The following GLIS3 variants were observed in gnomAD, a reference collection of about 807,000 sequenced individuals.
The protein encoded by GLIS3 is zinc finger protein GLIS3.
A neutral mutation model predicts 78.6 loss-of-function variants in GLIS3; 53 were observed. The observed-to-expected ratio is 0.67, with a 90% CI of 0.54 to 0.85. The LOEUF is 0.85. Ranked by LOEUF, GLIS3 falls within the 40% of genes least tolerant of loss-of-function variation. The pLI, the probability that GLIS3 is intolerant of heterozygous loss-of-function variation, is 0.00. For missense variants in GLIS3, 1,703 were observed against 1,231.1 expected, an observed-to-expected ratio of 1.38 and a Z score of -5.74; for synonymous variants, 684 against 509.9, an observed-to-expected ratio of 1.34 and a Z score of -4.60.
intron 6 of GLIS3, among the ~76,000 whole-genome samples, chr9:3,923,991 T>G (rs538223071): frequency 8.5e-5 from 13 of 152,368 alleles, no homozygotes; most frequent in Admixed American, 3.3e-4. Flanking sequence ...TGGGAGTTCA[T>G]GAGCTTCCTA....
chr9:3,979,661 A>G (rs148895615), intron 4 of GLIS3, among the ~76,000 whole-genome samples: 260 of 152,270 alleles, frequency 1.7e-3, no homozygotes, highest in African/African-American at 5.3e-3. Flanking sequence ...CCAGCACAAC[A>G]CTTACCACAC....
intron 1 of GLIS3, among the ~76,000 whole-genome samples, chr9:4,289,535 C>A (rs978169434): frequency 3.3e-5 from 5 of 152,110 alleles, no homozygotes; most frequent in African/African-American, 1.2e-4. Context: ...TAATCACTGT[C>A]AAAAACTTAA....
At chr9:4,379,356 G>A in the GLIS3 span, among the ~76,000 whole-genome samples, 3 of 152,208 alleles carry the variant, frequency 2.0e-5, no homozygotes, top group Non-Finnish European at 4.4e-5. Flanking sequence ...TATTTAAAAT[G>A]TTATAATTTC....
upstream of GLIS3, among the ~76,000 whole-genome samples, chr9:4,350,567 G>C (rs1263813202): frequency 6.6e-6 from 1 of 152,036 alleles, no homozygotes; most frequent in Non-Finnish European, 1.5e-5. Flanking sequence ...GTCTCTTTCA[G>C]AACTGCTTTA....
intron 5 of GLIS3, among the ~76,000 whole-genome samples, chr9:3,933,227 G>C (rs1044385751): frequency 6.6e-6 from 1 of 151,944 alleles, no homozygotes; most frequent in Non-Finnish European, 1.5e-5. Context: ...CCAGGCTGGA[G>C]TGCAGTGGCG....
At chr9:4,294,707 T>TG (rs34706136) in intron 1 of GLIS3, among the ~76,000 whole-genome samples, 46,656 of 151,938 alleles carry the variant, frequency 0.31, 8,104 homozygotes, top group East Asian at 0.48. Flanking sequence ...TATTAAGTTT[T>TG]GGGGTCATAG....
chr9:3,943,314 G>C (rs1267354702), intron 4 of GLIS3, among the ~76,000 whole-genome samples: 1 of 152,160 alleles, frequency 6.6e-6, no homozygotes, highest in East Asian at 1.9e-4. Flanking sequence ...TGGAGTAATA[G>C]GGAATTCCTT....
chr9:4,071,525 T>A (rs1242217458), intron 4 of GLIS3: 1 of 152,224 alleles, frequency 6.6e-6, no homozygotes, highest in Non-Finnish European at 1.5e-5. Flanking sequence ...GAAAACTCCA[T>A]CAATGTTTAT....
intron 2 of GLIS3, among the ~76,000 whole-genome samples, chr9:4,228,885 AAGGGCCAG>A (rs903267914): frequency 1.2e-4 from 19 of 152,210 alleles, no homozygotes; most frequent in Non-Finnish European, 1.0e-4. Flanking sequence ...TACCCACCAG[AAGGGCCAG>A]AGAAAGAGGG....
the GLIS3 span, among the ~76,000 whole-genome samples, chr9:4,452,392 T>G: frequency 6.6e-6 from 1 of 152,194 alleles, no homozygotes; most frequent in South Asian, 2.1e-4. Context: ...TGTCTCTGTT[T>G]GCAGATGACA....
chr9:3,910,414 A>T (rs1358380314), intron 6 of GLIS3, among the ~76,000 whole-genome samples: 2 of 152,196 alleles, frequency 1.3e-5, no homozygotes, highest in African/African-American at 4.8e-5. Context: ...CTGTGGCACA[A>T]ACATGACTCA....
intron 2 of GLIS3, among the ~76,000 whole-genome samples, chr9:4,344,775 C>G (rs1470080066): frequency 1.3e-5 from 2 of 152,196 alleles, no homozygotes; most frequent in Non-Finnish European, 2.9e-5. Context: ...CACAATCTTC[C>G]CCACTGCAGG....
At chr9:4,206,305 T>C (rs1197485645) in intron 2 of GLIS3, among the ~76,000 whole-genome samples, 1 of 152,218 alleles carries the variant, frequency 6.6e-6, no homozygotes, top group African/African-American at 2.4e-5. Context: ...AGAGAGGCTG[T>C]AATGAGGGTG....
upstream of GLIS3, among the ~76,000 whole-genome samples, chr9:4,352,279 G>A (rs1459269895): frequency 1.3e-5 from 2 of 152,240 alleles, no homozygotes; most frequent in Non-Finnish European, 2.9e-5. Flanking sequence ...AGTCATGCAG[G>A]AATATGGCTC....
At chr9:4,109,946 C>A (rs1831078034) in intron 4 of GLIS3, among the ~76,000 whole-genome samples, 1 of 152,176 alleles carries the variant, frequency 6.6e-6, no homozygotes, top group Non-Finnish European at 1.5e-5. Flanking sequence ...ACTCTACAGG[C>A]ATACTTGAGA....
the GLIS3 span, among the ~76,000 whole-genome samples, chr9:4,475,980 C>T: frequency 3.5e-3 from 530 of 152,240 alleles, 2 homozygotes; most frequent in Non-Finnish European, 6.3e-3. Context: ...AACTCCCGGG[C>T]TCAAGTGATA....
chr9:4,378,935 T>C, the GLIS3 span, among the ~76,000 whole-genome samples: 1 of 152,178 alleles, frequency 6.6e-6, no homozygotes, highest in Non-Finnish European at 1.5e-5. Flanking sequence ...TTGGGTTAAA[T>C]GAAGGGGATT....
chr9:4,250,370 C>A (rs1563831303), intron 2 of GLIS3, among the ~76,000 whole-genome samples: 1 of 152,136 alleles, frequency 6.6e-6, no homozygotes, highest in Non-Finnish European at 1.5e-5. Context: ...AGGAATTTAT[C>A]CATTTCTTCT....
chr9:3,875,212 C>A (rs1821235284), intron 8 of GLIS3, among the ~76,000 whole-genome samples: 1 of 152,206 alleles, frequency 6.6e-6, no homozygotes, highest in African/African-American at 2.4e-5. Context: ...AGTAAAACAC[C>A]ACTTCCCGTA....
Sources: gnomAD v4.1 joint callset for allele counts (sites outside exome capture counted in the v4.1 genomes callset) on GRCh38, gnomAD v4.1.1 for gene constraint, MANE v1.5 for transcripts, NCBI Gene and HGNC (gene_info 2026-07-23, HGNC 2026-07-21) for gene names.